SNX29: variants seen among roughly 807,000 people sequenced by gnomAD.
SNX29 encodes sorting nexin-29.
SNX29 carries 78 observed loss-of-function variants against 102.1 expected under a neutral mutation model. The observed-to-expected ratio is 0.76, with a 90% CI of 0.64 to 0.92. The LOEUF (loss-of-function observed/expected upper bound fraction) is 0.92. SNX29 is among the 40% of genes least tolerant of loss of function. The pLI is 0.00. For synonymous variants in SNX29, 580 were observed against 414.5 expected (o/e 1.40, Z -4.85); for missense variants, 1,280 against 1,061.7 (o/e 1.21, Z -2.86).
At chr16:12,233,840 A>G (rs1053050211) in intron 14 of SNX29, among the ~76,000 whole-genome samples, 1 of 152,074 alleles carries the variant, frequency 6.6e-6, no homozygotes, top group Non-Finnish European at 1.5e-5. Flanking sequence ...ACTTCATATC[A>G]GTGGAATGAT....
chr16:12,555,193 G>T (rs771891631), intron 20 of SNX29, among the ~76,000 whole-genome samples: 7 of 151,942 alleles, frequency 4.6e-5, no homozygotes, highest in African/African-American at 7.2e-5. Context: ...GGTGTGGCAT[G>T]CAGACTGGAC....
intron 20 of SNX29, among the ~76,000 whole-genome samples, chr16:12,559,503 A>T (rs114998735): frequency 1.3e-5 from 2 of 151,836 alleles, no homozygotes; most frequent in African/African-American, 4.8e-5. Context: ...AGAATGTACA[A>T]ATGTAACACA....
At chr16:12,346,909 G>A (rs937546471) in intron 15 of SNX29, among the ~76,000 whole-genome samples, 3 of 152,068 alleles carry the variant, frequency 2.0e-5, no homozygotes, top group Admixed American at 6.5e-5. Flanking sequence ...GCCACATGTC[G>A]GGAGAAATGA....
At position 12,327,935 on chromosome 16, in the gene SNX29, G is replaced by A. The variant is rs1043318909; in HGVS notation, c.1783-28228G>A. Among the ~76,000 whole-genome samples, 11 of 152,256 alleles carry A rather than the reference G, an allele frequency of 7.2e-5. No homozygotes were observed. The South Asian group carries it at 8.3e-4, about 11-fold the overall frequency. ...TCATGGCACCGTCCTGTGGATTTCC[G>A]CATAATCTCCGTGTGGAGTTGAACC... On this transcript the variant is annotated intron_variant, in intron 15 of 20. Transcript: ENST00000566228.
chr16:12,304,895 A>G (rs767826854), intron 15 of SNX29, among the ~76,000 whole-genome samples: 29 of 152,352 alleles, frequency 1.9e-4, no homozygotes, highest in Middle Eastern at 6.8e-3. Flanking sequence ...AGAATGTTTT[A>G]TTCACAAAGC....
intron 18 of SNX29, among the ~76,000 whole-genome samples, chr16:12,472,386 G>A (rs983172561): frequency 1.3e-5 from 2 of 152,060 alleles, no homozygotes; most frequent in Admixed American, 1.3e-4. Context: ...CAGGCGTGTG[G>A]CAGGCACCTG....
chr16:12,134,338 C>G (rs1446273444), intron 13 of SNX29, among the ~76,000 whole-genome samples: 1 of 152,156 alleles, frequency 6.6e-6, no homozygotes, highest in Admixed American at 6.5e-5. Context: ...CCCACAATTT[C>G]TGTGAATTAG....
At chr16:12,506,340 C>T (rs187513360) in intron 19 of SNX29, among the ~76,000 whole-genome samples, 6 of 152,348 alleles carry the variant, frequency 3.9e-5, no homozygotes, top group Admixed American at 3.9e-4. Context: ...AATCCTGCGC[C>T]TGTCCCTGTA....
At chr16:12,533,878 T>C (rs904477315) in intron 20 of SNX29, among the ~76,000 whole-genome samples, 21 of 152,190 alleles carry the variant, frequency 1.4e-4, no homozygotes, top group African/African-American at 4.6e-4. Flanking sequence ...TAGAAGTCCT[T>C]GACCTTTTCA....
At chr16:12,386,250 C>T (rs574911870) in intron 16 of SNX29, among the ~76,000 whole-genome samples, 49 of 152,306 alleles carry the variant, frequency 3.2e-4, no homozygotes, top group African/African-American at 1.1e-3. Flanking sequence ...TGTGCTGGTG[C>T]GGCTTCCAGA....
chr16:12,064,924 A>G (rs2050957718), intron 9 of SNX29, among the ~76,000 whole-genome samples: 6 of 152,204 alleles, frequency 3.9e-5, no homozygotes, highest in Admixed American at 1.3e-4. Flanking sequence ...GACTTCCCAC[A>G]TGGAGGGCTC....
chr16:12,225,475 G>A (rs554207637), intron 14 of SNX29, among the ~76,000 whole-genome samples: 107 of 152,204 alleles, frequency 7.0e-4, no homozygotes, highest in Middle Eastern at 3.4e-3. Flanking sequence ...CCCTGCACAA[G>A]CTCTCTCTCT....
chr16:12,039,271 G>A (rs1245877678), intron 4 of SNX29, among the ~76,000 whole-genome samples: 1 of 152,204 alleles, frequency 6.6e-6, no homozygotes, highest in African/African-American at 2.4e-5. Context: ...TCCCTTTCTA[G>A]TTACCCCAGT....
chr16:12,051,533 T>C (rs1176344163), intron 7 of SNX29, among the ~76,000 whole-genome samples: 9 of 152,144 alleles, frequency 5.9e-5, no homozygotes, highest in Non-Finnish European at 1.3e-4. Flanking sequence ...TATGAGAATA[T>C]TTTCCAAAGT....
chr16:12,041,263 C>A (rs1331211263), intron 4 of SNX29, among the ~76,000 whole-genome samples: 3 of 152,138 alleles, frequency 2.0e-5, no homozygotes, highest in Non-Finnish European at 2.9e-5. Flanking sequence ...AGGTGCCTGC[C>A]ACCATGCCTG....
intron 14 of SNX29, 81 bp from the exon 15 acceptor site, chr16:12,277,841 CATCTGAGAAAG>C: frequency 9.4e-7 from 1 of 1,065,324 alleles, no homozygotes; most frequent in Non-Finnish European, 1.4e-6. Flanking sequence ...AGTCTGAAGT[CATCTGAGAAAG>C]AAGAATTTTT....
intron 16 of SNX29, among the ~76,000 whole-genome samples, chr16:12,390,148 G>GT (rs1354263975): frequency 3.3e-5 from 4 of 120,612 alleles, no homozygotes; most frequent in Non-Finnish European, 6.9e-5. Context: ...TGCAATTGAG[G>GT]GGTGTGTGTG....
intron 18 of SNX29, among the ~76,000 whole-genome samples, chr16:12,440,638 T>A (rs2085757188): frequency 6.6e-6 from 1 of 152,078 alleles, no homozygotes; most frequent in Non-Finnish European, 1.5e-5. Flanking sequence ...TGTTTCCCTC[T>A]GTGTCACGTG....
intron 18 of SNX29, among the ~76,000 whole-genome samples, chr16:12,464,030 C>A (rs2086937848): frequency 6.6e-6 from 1 of 152,036 alleles, no homozygotes; most frequent in Admixed American, 6.6e-5. Flanking sequence ...CCCCCCAGCC[C>A]CTGGCAACCC....
Sources: gnomAD v4.1 joint callset for allele counts (sites outside exome capture counted in the v4.1 genomes callset) on GRCh38, gnomAD v4.1.1 for gene constraint, MANE v1.5 for transcripts, NCBI Gene and HGNC (gene_info 2026-07-23, HGNC 2026-07-21) for gene names.